The following ADAM22 variants were observed in gnomAD, a reference collection of about 807,000 sequenced individuals.
The protein encoded by ADAM22 is disintegrin and metalloproteinase domain-containing protein 22.
In ADAM22, 65 loss-of-function variants were observed where a neutral mutation model predicts 144.6. The observed-to-expected ratio is 0.45, with a 90% CI of 0.37 to 0.55. The LOEUF (loss-of-function observed/expected upper bound fraction) is 0.55. ADAM22 is among the 20% of genes least tolerant of loss of function. The probability of loss-of-function intolerance (pLI) is 0.00; values close to 1 mark genes in which losing one functional copy is unlikely to be tolerated. For synonymous variants in ADAM22, 391 were observed against 412.6 expected, an observed-to-expected ratio of 0.95 and a Z score of 0.63; for missense variants, 974 against 1,184.9, an observed-to-expected ratio of 0.82 and a Z score of 2.61.
At position 88,033,302 on chromosome 7, in the gene ADAM22, G is replaced by A. The variant is rs147254815; in HGVS notation, c.324-42324G>A. ...CTATGGCTCTTGCAGACTTGTAGAG[G>A]TGTAAGCTTGGTGGTCTTGGATAAG... On this transcript the variant is annotated intron_variant, in intron 3 of 31. Coordinates refer to ENST00000413139, the MANE Select transcript of ADAM22 (RefSeq NM_001324418.2). Among the ~76,000 whole-genome samples, 125 of 152,348 alleles carry A rather than the reference G, an allele frequency of 8.2e-4. 4 individuals carry two copies. The East Asian group carries it at 0.022, about 27-fold the overall frequency.
At chr7:88,012,100 A>T (rs1380142643) in intron 3 of ADAM22, among the ~76,000 whole-genome samples, 2 of 149,386 alleles carry the variant, frequency 1.3e-5, no homozygotes, top group African/African-American at 4.9e-5. Flanking sequence ...CTTCAAACTC[A>T]CTGATTCTTT....
chr7:87,940,809 T>G (rs975856403), intron 2 of ADAM22, among the ~76,000 whole-genome samples: 3 of 152,222 alleles, frequency 2.0e-5, no homozygotes, highest in African/African-American at 7.2e-5. Flanking sequence ...TCTTCTGTCT[T>G]GAAATTATTT....
Position 88,202,439 on chromosome 7 carries a change from G to A in ADAM22, c.*5948G>A, listed in dbSNP as rs952622726. 3.3e-5 allele frequency: 5 copies of A among 152,150 alleles called. No homozygotes were observed. Among genetic ancestry groups the A allele is most frequent in the African/African-American group, 4.8e-5 (2 of 41,424 alleles). 9.4% of individuals were successfully genotyped at this position (152,150 alleles called of 1,614,324 possible). A position where few individuals can be genotyped will look rare whatever the true frequency, so the allele number is the denominator to read the frequency against. On this transcript the variant is annotated 3_prime_UTR_variant, in exon 32 of 32. Transcript: ENST00000413139. ...AGTGTTTTCCACGGTTATCACCTTT[G>A]ACAGGTGATGTGCATCTATAGATAG...
Position 88,165,897 on chromosome 7 carries a change from C to T in ADAM22, c.2142C>T (p.Tyr714=), listed in dbSNP as rs777526405. 4 of 1,611,774 alleles carry T rather than the reference C, an allele frequency of 2.5e-6. No individual in the cohort carries two copies. In the South Asian group the frequency reaches 4.4e-5, roughly 18 times the overall value. ...RHWIGSDCNT[Y]FPHNDDAKTG... The stretch of plus-strand genomic sequence containing the variant: ...GGATAGGTTCTGATTGCAACACTTA[C>T]TTCCCTCACAATGATGATGCAAAGA... Residue 714 remains tyrosine (Y), a synonymous_variant, in exon 24 of 32, where the codon TAC becomes TAT. Transcript: ENST00000413139.
At chr7:87,943,698 A>G (rs961356086) in intron 2 of ADAM22, among the ~76,000 whole-genome samples, 1 of 152,220 alleles carries the variant, frequency 6.6e-6, no homozygotes, top group Non-Finnish European at 1.5e-5. Context: ...AAAATTTTGT[A>G]CCATGATCCA....
At chr7:88,079,658 C>T (rs879824175) in intron 4 of ADAM22, among the ~76,000 whole-genome samples, 1 of 152,054 alleles carries the variant, frequency 6.6e-6, no homozygotes, top group Non-Finnish European at 1.5e-5. Flanking sequence ...GAAGATCTAC[C>T]AAGCAAATGG....
rs1554529829 is a variant in ADAM22 at position 88,197,400 on chromosome 7, CCA to C, written c.*912_*913del. Reference sequence around the variant, plus strand: ...AAATGCCCAGCAAAACTTCTGGCCTCCACAGTTTGCTGATGCAGGAGCCCACT... The same window carrying C: ...AAATGCCCAGCAAAACTTCTGGCCTCCAGTTTGCTGATGCAGGAGCCCACT... On this transcript the variant is annotated 3_prime_UTR_variant, in exon 32 of 32. Coordinates refer to ENST00000413139, the MANE Select transcript of ADAM22 (RefSeq NM_001324418.2). 2.0e-5 allele frequency: 3 copies of C among 152,212 alleles called. No individual in the cohort carries two copies. The highest frequency in any genetic ancestry group is 4.4e-5 in the Non-Finnish European group (3 of 68,060). 9.4% of individuals were successfully genotyped at this position (152,212 alleles called of 1,614,324 possible).
chr7:88,082,902 A>G (rs1340652587), intron 4 of ADAM22, among the ~76,000 whole-genome samples: 3 of 152,196 alleles, frequency 2.0e-5, no homozygotes, highest in Admixed American at 1.3e-4. Flanking sequence ...ACTGTAAACT[A>G]GTGCAACCAT....
At chr7:87,994,086 C>T (rs73393875) in intron 3 of ADAM22, among the ~76,000 whole-genome samples, 2,158 of 152,012 alleles carry the variant, frequency 0.014, 43 homozygotes, top group African/African-American at 0.048. Context: ...CACTAAAAAC[C>T]CTCTTTTTAC....
chr7:88,067,408 C>A (rs55637099), intron 3 of ADAM22, among the ~76,000 whole-genome samples: 55,146 of 150,656 alleles, frequency 0.37, 11,192 homozygotes, highest in South Asian at 0.6. Flanking sequence ...CCCCCCACCC[C>A]ACAACAGTCC....
intron 10 of ADAM22, 112 bp from the exon 11 acceptor site, chr7:88,131,157 C>A: frequency 2.3e-6 from 2 of 863,240 alleles, no homozygotes; most frequent in Non-Finnish European, 3.5e-6. Context: ...AGTTATCTCC[C>A]TTTAACTAAA....
chr7:88,073,210 T>G (rs1813291707), intron 3 of ADAM22, among the ~76,000 whole-genome samples: 1 of 152,214 alleles, frequency 6.6e-6, no homozygotes, highest in Non-Finnish European at 1.5e-5. Context: ...AGAAGATACT[T>G]GAGAAGATGA....
chr7:88,020,217 A>G (rs2129465198), intron 3 of ADAM22, among the ~76,000 whole-genome samples: 1 of 152,344 alleles, frequency 6.6e-6, no homozygotes, highest in South Asian at 2.1e-4. Flanking sequence ...TCTAACTGCA[A>G]ATGTAAAAGA....
chr7:88,114,849 A>C (rs1827355821), intron 6 of ADAM22, among the ~76,000 whole-genome samples: 1 of 152,202 alleles, frequency 6.6e-6, no homozygotes, highest in South Asian at 2.1e-4. Flanking sequence ...TAAGTAAAAA[A>C]CGTATTTAAT....
intron 4 of ADAM22, among the ~76,000 whole-genome samples, chr7:88,094,445 A>T (rs142745550): frequency 1.6e-3 from 240 of 152,334 alleles, no homozygotes; most frequent in Admixed American, 5.7e-3. Context: ...AAACCAGAGA[A>T]GGTGGACAGA....
In ADAM22 at chr7:88,124,605, A is replaced by T. The variant is rs182253441; in HGVS notation, c.608-984A>T. Among the ~76,000 whole-genome samples, 627 of 150,882 alleles carry T rather than the reference A, an allele frequency of 4.2e-3. 4 individuals carry two copies. The highest frequency in any genetic ancestry group is 5.8e-3 in the Admixed American group (87 of 15,104). ...CTATTTGCATTTAATGTAATTATTG[A>T]TATGAGATGGGTTACTTTTGTAATC... is the stretch of plus-strand genomic sequence containing the variant. On this transcript the variant is annotated intron_variant, in intron 7 of 31. Coordinates refer to ENST00000413139, the MANE Select transcript of ADAM22 (RefSeq NM_001324418.2).
At chr7:87,995,256 G>A (rs1011385449) in intron 3 of ADAM22, among the ~76,000 whole-genome samples, 4 of 152,166 alleles carry the variant, frequency 2.6e-5, no homozygotes, top group Non-Finnish European at 4.4e-5. Flanking sequence ...CATGAACACC[G>A]TTGATTGCTG....
chr7:88,133,667 A>G (rs559905135), intron 12 of ADAM22, among the ~76,000 whole-genome samples: 69 of 152,156 alleles, frequency 4.5e-4, no homozygotes, highest in Non-Finnish European at 9.0e-4. Flanking sequence ...ACCCAACTGG[A>G]TATTTTTTCC....
At chr7:88,097,077 A>G (rs1019843504) in intron 4 of ADAM22, among the ~76,000 whole-genome samples, 2 of 151,692 alleles carry the variant, frequency 1.3e-5, no homozygotes, top group African/African-American at 4.8e-5. Flanking sequence ...TGAGCTTAGC[A>G]TGTAAGGCTC....
Sources: gnomAD v4.1 joint callset for allele counts (sites outside exome capture counted in the v4.1 genomes callset) on GRCh38, gnomAD v4.1.1 for gene constraint, MANE v1.5 for transcripts, NCBI Gene and HGNC (gene_info 2026-07-23, HGNC 2026-07-21) for gene names.